The following ZNF385D variants were observed in gnomAD, a reference collection of about 807,000 sequenced individuals.
ZNF385D encodes the protein zinc finger protein 385D, also known as zinc finger protein 659.
A neutral mutation model predicts 35.8 loss-of-function variants in ZNF385D; 15 were observed. The observed-to-expected ratio is 0.42, with a 90% CI of 0.28 to 0.64. The LOEUF is 0.64. ZNF385D is among the 30% of genes least tolerant of loss of function. ZNF385D has a pLI of 0.23. For synonymous variants in ZNF385D, 212 were observed against 186.8 expected (o/e 1.13, Z -1.10); for missense variants, 474 against 494.6 (o/e 0.96, Z 0.39).
At chr3:22,331,492 T>C (rs541730102) in intron 2 of ZNF385D, among the ~76,000 whole-genome samples, 2 of 152,168 alleles carry the variant, frequency 1.3e-5, no homozygotes, top group African/African-American at 4.8e-5. Context: ...TTAATATTAT[T>C]TCATAAAATT....
intron 3 of ZNF385D, among the ~76,000 whole-genome samples, chr3:22,152,225 T>C (rs549645154): frequency 4.7e-4 from 71 of 152,122 alleles, no homozygotes; most frequent in Non-Finnish European, 9.0e-4. Context: ...AACAATTGCA[T>C]TGGGTAATAC....
chr3:21,488,346 GACACACACAC>G (rs4045132), intron 4 of ZNF385D, among the ~76,000 whole-genome samples: 1 of 150,618 alleles, frequency 6.6e-6, no homozygotes, highest in African/African-American at 2.4e-5. Context: ...CAGACACACA[GACACACACAC>G]ACACACACAT....
At chr3:21,837,256 T>TA (rs1438218300) in intron 3 of ZNF385D, among the ~76,000 whole-genome samples, 1 of 152,154 alleles carries the variant, frequency 6.6e-6, no homozygotes, top group Non-Finnish European at 1.5e-5. Flanking sequence ...AGTCCATGTA[T>TA]AAAAACCATT....
intron 2 of ZNF385D, among the ~76,000 whole-genome samples, chr3:22,215,032 A>C (rs1199766464): frequency 6.6e-6 from 1 of 151,894 alleles, no homozygotes. Context: ...CCAGCTTTAC[A>C]ATTTCTCTCT....
chr3:22,180,328 G>A (rs893297058), intron 2 of ZNF385D, among the ~76,000 whole-genome samples: 52 of 152,244 alleles, frequency 3.4e-4, no homozygotes, highest in Admixed American at 1.7e-3. Context: ...AGGACAAGAC[G>A]GATTCACAGC....
intron 4 of ZNF385D, among the ~76,000 whole-genome samples, chr3:21,482,738 G>C (rs891502907): frequency 6.6e-6 from 1 of 152,080 alleles, no homozygotes; most frequent in African/African-American, 2.4e-5. Flanking sequence ...TGAGTACCTA[G>C]GATGTCTTAG....
Position 21,413,305 on chromosome 3 carries a change from G to A in ZNF385D, c.*7909C>T, listed in dbSNP as rs1700518744. On this transcript the variant is annotated 3_prime_UTR_variant, in exon 8 of 8. Coordinates refer to ENST00000281523, the MANE Select transcript of ZNF385D (RefSeq NM_024697.3). ...AAGGTGGCACAAATTAGCATTCTGA[G>A]CGTTTTGGCTTCTGGTACTCAAGTC... 6.6e-6 allele frequency: 1 copy of A among 151,988 alleles called. No individual in the cohort carries two copies. 9.4% of individuals were successfully genotyped at this position (151,988 alleles called of 1,614,324 possible).
chr3:21,632,959 T>C (rs1267953556), intron 2 of ZNF385D, among the ~76,000 whole-genome samples: 3 of 152,162 alleles, frequency 2.0e-5, no homozygotes, highest in Non-Finnish European at 4.4e-5. Context: ...AGGGAAGTTT[T>C]TGTTATCCAT....
At chr3:21,901,673 C>G (rs1361378783) in intron 3 of ZNF385D, among the ~76,000 whole-genome samples, 2 of 152,086 alleles carry the variant, frequency 1.3e-5, no homozygotes, top group South Asian at 2.1e-4. Context: ...CTGGTAGTGT[C>G]GCAATCTGAT....
chr3:22,135,706 C>T (rs894951646), intron 3 of ZNF385D, among the ~76,000 whole-genome samples: 3 of 152,084 alleles, frequency 2.0e-5, no homozygotes, highest in Admixed American at 6.6e-5. Flanking sequence ...AAATTTAAGT[C>T]ACCAAATTAC....
intron 2 of ZNF385D, among the ~76,000 whole-genome samples, chr3:21,578,929 T>A: frequency 6.6e-6 from 1 of 152,222 alleles, no homozygotes; most frequent in East Asian, 1.9e-4. Context: ...GATGCCTGAT[T>A]ATCTTAATAT....
At chr3:22,244,612 T>A (rs1211143954) in intron 2 of ZNF385D, among the ~76,000 whole-genome samples, 1 of 150,782 alleles carries the variant, frequency 6.6e-6, no homozygotes, top group African/African-American at 2.5e-5. Flanking sequence ...CAAAGTAAAA[T>A]TGTTAAGTTT....
At chr3:21,837,296 T>A (rs1258368826) in intron 3 of ZNF385D, among the ~76,000 whole-genome samples, 3 of 152,100 alleles carry the variant, frequency 2.0e-5, no homozygotes, top group Non-Finnish European at 4.4e-5. Context: ...ACAACAGCAA[T>A]TTACTATGTC....
At chr3:21,693,721 A>G (rs2067360088) in intron 1 of ZNF385D, among the ~76,000 whole-genome samples, 1 of 152,134 alleles carries the variant, frequency 6.6e-6, no homozygotes, top group African/African-American at 2.4e-5. Context: ...AGGTTTTTAA[A>G]CGTGTTTCAT....
At chr3:21,660,747 C>A (rs1383052200) in intron 2 of ZNF385D, among the ~76,000 whole-genome samples, 1 of 152,222 alleles carries the variant, frequency 6.6e-6, no homozygotes, top group Admixed American at 6.5e-5. Flanking sequence ...TAAAAGCCAA[C>A]TATACCTCTG....
At chr3:22,159,754 A>C (rs1402541585) in intron 3 of ZNF385D, among the ~76,000 whole-genome samples, 1 of 152,138 alleles carries the variant, frequency 6.6e-6, no homozygotes, top group Non-Finnish European at 1.5e-5. Flanking sequence ...AAAGGAATTT[A>C]CTTCAGTCAA....
chr3:21,434,580 A>T (rs1408880993), intron 5 of ZNF385D, among the ~76,000 whole-genome samples: 1 of 152,166 alleles, frequency 6.6e-6, no homozygotes, highest in African/African-American at 2.4e-5. Flanking sequence ...AGACATGGTG[A>T]GCCTTCCAAC....
At chr3:22,307,628 T>A (rs901679463) in intron 2 of ZNF385D, among the ~76,000 whole-genome samples, 1 of 152,154 alleles carries the variant, frequency 6.6e-6, no homozygotes, top group Non-Finnish European at 1.5e-5. Context: ...CAGCTACTCA[T>A]AGATTAGGAA....
intron 3 of ZNF385D, among the ~76,000 whole-genome samples, chr3:21,780,322 G>A (rs2071440282): frequency 6.6e-6 from 1 of 151,892 alleles, no homozygotes; most frequent in African/African-American, 2.4e-5. Flanking sequence ...AATACTAGAT[G>A]TAGGGCATAC....
Sources: allele counts gnomAD v4.1 joint callset (sites outside exome capture counted in the v4.1 genomes callset), GRCh38; gene constraint gnomAD v4.1.1; transcripts MANE v1.5; gene names NCBI Gene and HGNC (gene_info 2026-07-23, HGNC 2026-07-21).